The following LMBRD1 variants were observed in gnomAD, a reference collection of about 807,000 sequenced individuals.
LMBRD1 encodes the protein lysosomal cobalamin transport escort protein LMBD1.
A neutral mutation model predicts 74.8 loss-of-function variants in LMBRD1; 64 were observed. The ratio of observed to expected loss-of-function variants is 0.86; its 90% CI spans 0.70 to 1.05. The LOEUF is 1.05. Among genes scored for constraint, LMBRD1 ranks in the 50% least tolerant of loss-of-function variants. The pLI is 0.00. For synonymous variants in LMBRD1, 204 were observed against 216.3 expected, an observed-to-expected ratio of 0.94 and a Z score of 0.50; for missense variants, 652 against 645.9, an observed-to-expected ratio of 1.01 and a Z score of -0.10.
chr6:69,702,382 A>G (rs1022929601), intron 9 of LMBRD1, among the ~76,000 whole-genome samples: 1 of 151,866 alleles, frequency 6.6e-6, no homozygotes, highest in Non-Finnish European at 1.5e-5. Context: ...CCATAGAAGT[A>G]ATAATATATA....
chr6:69,719,190 G>C (rs1006006166), intron 7 of LMBRD1, 109 bp from the exon 8 acceptor site: 1 of 973,468 alleles, frequency 1.0e-6, no homozygotes, highest in Admixed American at 2.0e-5. Context: ...AGTTGTGAAA[G>C]AGTACAGTCA....
rs1383699032 is a variant in LMBRD1, at chr6:69,706,454, A to C, written c.916-4501T>G. ...TTTTAACGCACTGCAATCAGAGAAAAATTGTTTGTAATATATCTACTGTTT... is the reference window on the plus strand; with the variant it reads ...TTTTAACGCACTGCAATCAGAGAAACATTGTTTGTAATATATCTACTGTTT... On this transcript the variant is annotated intron_variant, in intron 9 of 15. Transcript: ENST00000649934. Among the ~76,000 whole-genome samples the C allele has an allele frequency of 2.0e-5, 3 of 152,186 alleles. No individual in the cohort carries two copies. The East Asian group carries it at 5.8e-4, about 29-fold the overall frequency.
In LMBRD1 at chr6:69,741,897, T is replaced by C. The variant is rs952976480; in HGVS notation, c.474-20A>G. 13 of 1,337,296 alleles carry C rather than the reference T, an allele frequency of 9.7e-6. No homozygotes were observed. In the Admixed American group the frequency reaches 1.4e-4, roughly 14 times the overall value. The allele number at this position is 1,337,296 out of a possible 1,614,324, so 82.8% of individuals were successfully genotyped here. On this transcript the variant is annotated intron_variant, in intron 5 of 15. Coordinates refer to ENST00000649934, the MANE Select transcript of LMBRD1 (RefSeq NM_018368.4). ...AAGGCACTACAAAAGAGAAAATAAT[T>C]GTTTTAATAGCTTTAAAGATAAAAA...
chr6:69,736,407 C>T (rs1766978310), intron 7 of LMBRD1, among the ~76,000 whole-genome samples: 1 of 152,134 alleles, frequency 6.6e-6, no homozygotes, highest in African/African-American at 2.4e-5. Flanking sequence ...GTTCTCTCCC[C>T]ATTGCCCTAA....
chr6:69,775,025 G>C (rs1156846859), intron 3 of LMBRD1, among the ~76,000 whole-genome samples: 1 of 110,048 alleles, frequency 9.1e-6, no homozygotes, highest in African/African-American at 3.3e-5. Flanking sequence ...GAGGGAGGGA[G>C]GGAGGGAGGG....
chr6:69,709,892 T>C (rs1225043550), intron 9 of LMBRD1, among the ~76,000 whole-genome samples: 2 of 152,184 alleles, frequency 1.3e-5, no homozygotes, highest in Non-Finnish European at 2.9e-5. Context: ...AAATTTAAGA[T>C]GTAAATAAAT....
intron 14 of LMBRD1, among the ~76,000 whole-genome samples, chr6:69,692,450 G>A (rs1765907999): frequency 6.6e-6 from 1 of 152,060 alleles, no homozygotes; most frequent in East Asian, 1.9e-4. Flanking sequence ...ATTAAGCAGG[G>A]CAGCAGAAAT....
In LMBRD1 at chr6:69,794,867, G is replaced by C. The variant is rs540215474; in HGVS notation, c.69+1946C>G. Among the ~76,000 whole-genome samples the C allele has an allele frequency of 2.0e-3, 297 of 152,240 alleles. 1 individual carries two copies. Among genetic ancestry groups the C allele is most frequent in the African/African-American group, 6.9e-3 (288 of 41,528 alleles). On this transcript the variant is annotated intron_variant, in intron 1 of 15. Coordinates refer to ENST00000649934, the MANE Select transcript of LMBRD1 (RefSeq NM_018368.4). Reference sequence around the variant, plus strand: ...GCATCATGTTATAAAACCATGCATGGGTAAAAGAGCCTTTCAAAGTGCAAG... The same window carrying C: ...GCATCATGTTATAAAACCATGCATGCGTAAAAGAGCCTTTCAAAGTGCAAG...
intron 8 of LMBRD1, among the ~76,000 whole-genome samples, chr6:69,714,280 T>A (rs953423706): frequency 2.6e-5 from 4 of 151,978 alleles, no homozygotes; most frequent in African/African-American, 9.7e-5. Flanking sequence ...CAAGCACAGA[T>A]GGCATACAGA....
intron 5 of LMBRD1, among the ~76,000 whole-genome samples, chr6:69,745,404 G>A (rs1287959473): frequency 2.0e-5 from 3 of 151,154 alleles, no homozygotes; most frequent in African/African-American, 7.3e-5. Context: ...GACTACAGGC[G>A]CCCGCCACCG....
intron 6 of LMBRD1, among the ~76,000 whole-genome samples, chr6:69,739,227 G>T (rs1254551776): frequency 6.6e-6 from 1 of 152,090 alleles, no homozygotes; most frequent in Non-Finnish European, 1.5e-5. Context: ...AAATAGACAT[G>T]CTGACATATT....
intron 1 of LMBRD1, among the ~76,000 whole-genome samples, chr6:69,794,374 A>G (rs1481464499): frequency 6.6e-6 from 1 of 152,216 alleles, no homozygotes; most frequent in East Asian, 1.9e-4. Context: ...ACTCTTTTTA[A>G]TACTTTGTGG....
chr6:69,773,764 A>G (rs560947832), intron 3 of LMBRD1, among the ~76,000 whole-genome samples: 109 of 152,364 alleles, frequency 7.2e-4, no homozygotes, highest in African/African-American at 2.4e-3. Flanking sequence ...CATATATAAT[A>G]TCTTCTTAAC....
chr6:69,756,906 G>A (rs1765279230), intron 3 of LMBRD1, among the ~76,000 whole-genome samples: 2 of 152,130 alleles, frequency 1.3e-5, no homozygotes, highest in South Asian at 4.1e-4. Flanking sequence ...AACACACCAA[G>A]GGCTAAGTTC....
intron 14 of LMBRD1, among the ~76,000 whole-genome samples, chr6:69,690,260 T>C (rs1220440977): frequency 2.0e-5 from 3 of 152,092 alleles, no homozygotes; most frequent in Non-Finnish European, 4.4e-5. Flanking sequence ...ACTAATCCAG[T>C]ATACATTTTT....
chr6:69,733,105 T>C (rs1329340953), intron 7 of LMBRD1, among the ~76,000 whole-genome samples: 1 of 152,102 alleles, frequency 6.6e-6, no homozygotes, highest in Non-Finnish European at 1.5e-5. Flanking sequence ...AAATTCACAC[T>C]TGACTGACAC....
chr6:69,749,797 G>A (rs1416560747), intron 4 of LMBRD1, among the ~76,000 whole-genome samples: 1 of 149,292 alleles, frequency 6.7e-6, no homozygotes, highest in East Asian at 1.9e-4. Context: ...CAATATATAC[G>A]TTTGTGTTTG....
At chr6:69,690,758 A>C (rs1261970643) in intron 14 of LMBRD1, among the ~76,000 whole-genome samples, 1 of 152,134 alleles carries the variant, frequency 6.6e-6, no homozygotes, top group African/African-American at 2.4e-5. Context: ...TATACCTAGT[A>C]TGTATCTACA....
chr6:69,718,902 G>C (rs1362560231), intron 8 of LMBRD1, 54 bp downstream of exon 8: 1 of 1,592,452 alleles, frequency 6.3e-7, no homozygotes, highest in Non-Finnish European at 8.6e-7. Context: ...TCAGAAAGCA[G>C]CTCTAAGACA....
Sources: allele counts gnomAD v4.1 joint callset (sites outside exome capture counted in the v4.1 genomes callset), GRCh38; gene constraint gnomAD v4.1.1; transcripts MANE v1.5; gene names NCBI Gene and HGNC (gene_info 2026-07-23, HGNC 2026-07-21).